The following DYNC2I1 variants were observed in gnomAD, a reference collection of about 807,000 sequenced individuals.
DYNC2I1 encodes dynein 2 intermediate chain 1, also known as cytoplasmic dynein 2 intermediate chain 1.
In DYNC2I1, 89 loss-of-function variants were observed where a neutral mutation model predicts 133.4. The ratio of observed to expected loss-of-function variants is 0.67; its 90% CI spans 0.56 to 0.80. The LOEUF (loss-of-function observed/expected upper bound fraction) is 0.80. Ranked by LOEUF, DYNC2I1 falls within the 30% of genes least tolerant of loss-of-function variation. The probability of loss-of-function intolerance (pLI) is 0.00; values close to 1 mark genes in which losing one functional copy is unlikely to be tolerated. For synonymous variants in DYNC2I1, 504 were observed against 484.3 expected, an observed-to-expected ratio of 1.04 and a Z score of -0.54; for missense variants, 1,291 against 1,314.5, an observed-to-expected ratio of 0.98 and a Z score of 0.28.
Position 158,924,460 on chromosome 7 carries a change from T to C in DYNC2I1, c.2257+727T>C, listed in dbSNP as rs1463309092. Among the ~76,000 whole-genome samples, 3 of 152,204 alleles carry C rather than the reference T, an allele frequency of 2.0e-5. No homozygotes were observed. In the East Asian group the frequency reaches 5.8e-4, roughly 29 times the overall value. The stretch of plus-strand genomic sequence containing the variant: ...TTATCATAGATATGTTGCGTGTCTG[T>C]CTGTGTTTGACATGTGTATCTGTAC... On this transcript the variant is annotated intron_variant, in intron 17 of 24. Coordinates refer to ENST00000407559, the MANE Select transcript of DYNC2I1 (RefSeq NM_018051.5).
intron 14 of DYNC2I1, among the ~76,000 whole-genome samples, chr7:158,914,785 G>A (rs955872365): frequency 9.2e-5 from 14 of 152,224 alleles, no homozygotes; most frequent in African/African-American, 3.1e-4. Context: ...TGTGGGTCTC[G>A]TCTGACCCCC....
At chr7:158,909,325 T>G (rs900296284) in intron 11 of DYNC2I1, among the ~76,000 whole-genome samples, 1 of 109,816 alleles carries the variant, frequency 9.1e-6, no homozygotes, top group African/African-American at 4.3e-5. Context: ...AGCAAGACTC[T>G]GTCTCAAAAA....
chr7:158,943,574 G>T (rs541975680), intron 24 of DYNC2I1, among the ~76,000 whole-genome samples: 1 of 152,350 alleles, frequency 6.6e-6, no homozygotes, highest in Admixed American at 6.5e-5. Flanking sequence ...AGCAGGGCCT[G>T]GGCAGGGGCG....
At chr7:158,863,384 C>T (rs1842050089) in intron 1 of DYNC2I1, among the ~76,000 whole-genome samples, 2 of 152,064 alleles carry the variant, frequency 1.3e-5, no homozygotes, top group Non-Finnish European at 2.9e-5. Context: ...AAAAGTTCTC[C>T]AAGTCCCCAC....
At chr7:158,879,070 G>C (rs185397632) in intron 4 of DYNC2I1, among the ~76,000 whole-genome samples, 16 of 152,282 alleles carry the variant, frequency 1.1e-4, no homozygotes, top group African/African-American at 3.4e-4. Flanking sequence ...CGGGCACCAT[G>C]TGGGGAGGCA....
chr7:158,879,851 A>ATT lies in DYNC2I1; in HGVS notation c.742_743dup (p.Asp250LeufsTer69). 6.2e-7 allele frequency: 1 copy of ATT among 1,613,758 alleles called. No individual in the cohort carries two copies. The highest frequency in any genetic ancestry group is 1.1e-5 in the South Asian group (1 of 91,040). ...AATATTCCAAAGAGAAAAGTAATTCATTCTCTGACAAAGGGGAAGAAAGAC... is the reference window on the plus strand; with the variant it reads ...AATATTCCAAAGAGAAAAGTAATTCATTTTCTCTGACAAAGGGGAAGAAAGAC... On this transcript the variant is annotated frameshift_variant, in exon 5 of 25. Coordinates refer to ENST00000407559, the MANE Select transcript of DYNC2I1 (RefSeq NM_018051.5). LOFTEE classifies it high-confidence loss of function.
chr7:158,871,507 C>A lies in DYNC2I1; in HGVS notation c.435C>A (p.Gly145=). The A allele has an allele frequency of 6.5e-7, 1 of 1,546,646 alleles. No individual in the cohort carries two copies. The highest frequency in any genetic ancestry group is 8.7e-7 in the Non-Finnish European group (1 of 1,146,826). The change falls in exon 3 of 25, where the codon GGC becomes GGA. Residue 145 remains glycine (G), a synonymous_variant. Coordinates refer to ENST00000407559, the MANE Select transcript of DYNC2I1 (RefSeq NM_018051.5). ...RQTVAHHNLL[G]QETRDRQLLE... is the part of the protein sequence containing the mutation. ...CCGTGGCCCACCACAACCTGCTGGG[C>A]CAGGAGACACGCGACCGGCAGCTCC...
intron 2 of DYNC2I1, among the ~76,000 whole-genome samples, chr7:158,870,706 C>T (rs1397545919): frequency 6.6e-6 from 1 of 151,756 alleles, no homozygotes; most frequent in South Asian, 2.1e-4. Flanking sequence ...CTTTATTTTC[C>T]ATATTTTGGG....
In DYNC2I1 at chr7:158,856,612, C is replaced by T. The variant is rs1363024453; in HGVS notation, c.-124C>T. The T allele has an allele frequency of 9.7e-6, 10 of 1,026,612 alleles. No homozygotes were observed. Among genetic ancestry groups the T allele is most frequent in the African/African-American group, 1.7e-5 (1 of 60,258 alleles). The allele number at this position is 1,026,612 out of a possible 1,614,324, so 63.6% of individuals were successfully genotyped here. A position where few individuals can be genotyped will look rare whatever the true frequency, so the allele number is the denominator to read the frequency against. ...GCTTCTGGGCCCTCTGCTGCTCCTG[C>T]TTGTCGGTTGCTAGGCGCTGGGACG... is the stretch of plus-strand genomic sequence containing the variant. On this transcript the variant is annotated 5_prime_UTR_variant, in exon 1 of 25. Transcript: ENST00000407559.
intron 4 of DYNC2I1, among the ~76,000 whole-genome samples, chr7:158,952,175 C>T (rs1392882328): frequency 3.9e-5 from 6 of 152,136 alleles, no homozygotes; most frequent in Non-Finnish European, 7.4e-5. Context: ...TAAACACGCA[C>T]GCTGGCACCT....
intron 20 of DYNC2I1, 42 bp downstream of exon 20, chr7:158,927,085 A>G (rs755957133): frequency 4.5e-5 from 64 of 1,417,194 alleles, no homozygotes; most frequent in Non-Finnish European, 7.8e-6. Context: ...GTTTTCTAAA[A>G]TGAATCGAGA....
chr7:158,885,116 C>G (rs1844461872), intron 6 of DYNC2I1, among the ~76,000 whole-genome samples: 2 of 152,106 alleles, frequency 1.3e-5, no homozygotes, highest in African/African-American at 4.8e-5. Context: ...ACAGGACGTG[C>G]CGGCGAGTCC....
downstream of DYNC2I1, among the ~76,000 whole-genome samples, chr7:158,957,394 C>T (rs945599086): frequency 2.0e-5 from 3 of 152,230 alleles, no homozygotes; most frequent in African/African-American, 7.2e-5. Context: ...GGATAGACTA[C>T]TTCTTTGTTT....
At chr7:158,924,985 A>T (rs1056720231) in intron 17 of DYNC2I1, among the ~76,000 whole-genome samples, 6 of 152,136 alleles carry the variant, frequency 3.9e-5, no homozygotes, top group Admixed American at 3.9e-4. Context: ...TGAACTCCTG[A>T]CTTCAGGTGA....
intron 3 of DYNC2I1, among the ~76,000 whole-genome samples, chr7:158,875,918 G>T (rs1843315764): frequency 1.3e-5 from 2 of 152,208 alleles, no homozygotes; most frequent in African/African-American, 4.8e-5. Flanking sequence ...AGTTTGGTCT[G>T]GTGCCCTCTT....
intron 6 of DYNC2I1, among the ~76,000 whole-genome samples, chr7:158,886,382 C>T (rs1041136959): frequency 1.3e-5 from 2 of 152,124 alleles, no homozygotes; most frequent in African/African-American, 4.8e-5. Flanking sequence ...AGTCTGCCCA[C>T]CTTGGCCTCC....
intron 24 of DYNC2I1, among the ~76,000 whole-genome samples, chr7:158,942,504 C>G (rs932444523): frequency 1.3e-5 from 2 of 152,130 alleles, no homozygotes; most frequent in African/African-American, 4.8e-5. Context: ...TTTAAAATCA[C>G]TTTAAAGTGT....
intron 4 of DYNC2I1, among the ~76,000 whole-genome samples, chr7:158,877,103 C>G (rs1843427717): frequency 6.6e-6 from 1 of 152,332 alleles, no homozygotes; most frequent in South Asian, 2.1e-4. Context: ...GTGATCCTGT[C>G]TCTCCCCGTG....
chr7:158,932,864 G>A (rs895723866), intron 21 of DYNC2I1, among the ~76,000 whole-genome samples: 1 of 152,206 alleles, frequency 6.6e-6, no homozygotes, highest in African/African-American at 2.4e-5. Flanking sequence ...CAGTGGGAGG[G>A]AGGAGCCTAG....
Sources: gnomAD v4.1 joint callset for allele counts (sites outside exome capture counted in the v4.1 genomes callset) on GRCh38, gnomAD v4.1.1 for gene constraint, MANE v1.5 for transcripts, NCBI Gene and HGNC (gene_info 2026-07-23, HGNC 2026-07-21) for gene names.